HS3ST2: variants seen among roughly 807,000 people sequenced by gnomAD.
HS3ST2 encodes heparan sulfate-glucosamine 3-sulfotransferase 2, also known as heparan sulfate glucosamine 3-O-sulfotransferase 2.
A neutral mutation model predicts 26.3 loss-of-function variants in HS3ST2; 17 were observed. The ratio of observed to expected loss-of-function variants is 0.65; its 90% confidence interval spans 0.44 to 0.97. HS3ST2 has a LOEUF of 0.97. Ranked by LOEUF, HS3ST2 falls within the 50% of genes least tolerant of loss-of-function variation. HS3ST2 has a pLI of 0.00. For missense variants in HS3ST2, 402 were observed against 501.2 expected (o/e 0.80, Z 1.89); for synonymous variants, 237 against 219.2 (o/e 1.08, Z -0.72).
intron 1 of HS3ST2, among the ~76,000 whole-genome samples, chr16:22,908,139 A>G (rs1352843142): frequency 1.3e-5 from 2 of 152,158 alleles, no homozygotes; most frequent in East Asian, 3.8e-4. Context: ...ACAAACAAAC[A>G]CAAACCAGCA....
At chr16:22,850,726 G>T (rs1435161771) in intron 1 of HS3ST2, among the ~76,000 whole-genome samples, 1 of 152,216 alleles carries the variant, frequency 6.6e-6, no homozygotes, top group Non-Finnish European at 1.5e-5. Flanking sequence ...GGCGGAGGTT[G>T]CAGTGAGCTG....
At chr16:22,815,142 C>G (rs748696101) in intron 1 of HS3ST2, 47 bp downstream of exon 1, 12 of 1,599,486 alleles carry the variant, frequency 7.5e-6, no homozygotes, top group African/African-American at 2.7e-5. Context: ...CTGATCGCTT[C>G]CATTGGGAGA....
At chr16:22,821,326 CATGCTTTGGTA>C (rs887205090) in intron 1 of HS3ST2, among the ~76,000 whole-genome samples, 10 of 151,274 alleles carry the variant, frequency 6.6e-5, no homozygotes, top group African/African-American at 1.9e-4. Context: ...CTATTACCTG[CATGCTTTGGTA>C]ATGCTTTGGT....
At chr16:22,823,630 A>G (rs965305115) in intron 1 of HS3ST2, among the ~76,000 whole-genome samples, 1 of 151,878 alleles carries the variant, frequency 6.6e-6, no homozygotes, top group African/African-American at 2.4e-5. Flanking sequence ...AAAAAAAAAA[A>G]AAAAAAATTA....
intron 1 of HS3ST2, among the ~76,000 whole-genome samples, chr16:22,863,743 C>T (rs1901711051): frequency 6.6e-6 from 1 of 152,184 alleles, no homozygotes; most frequent in Non-Finnish European, 1.5e-5. Context: ...CAAGAGACTG[C>T]CTAGAAGTCC....
At chr16:22,867,324 T>C (rs185615590) in intron 1 of HS3ST2, among the ~76,000 whole-genome samples, 64 of 152,096 alleles carry the variant, frequency 4.2e-4, no homozygotes, top group African/African-American at 1.4e-3. Flanking sequence ...ATGGTGAAAA[T>C]TTTCTAAGCA....
chr16:22,833,293 T>C (rs1046517733), intron 1 of HS3ST2: 3 of 455,998 alleles, frequency 6.6e-6, no homozygotes, highest in Non-Finnish European at 1.3e-5. Flanking sequence ...AGACACTACC[T>C]GTGTGGTTGT....
intron 1 of HS3ST2, among the ~76,000 whole-genome samples, chr16:22,875,607 T>C (rs918653917): frequency 6.6e-6 from 1 of 151,944 alleles, no homozygotes; most frequent in Non-Finnish European, 1.5e-5. Flanking sequence ...GGTCTCGATC[T>C]CCTGACCTCA....
At chr16:22,889,764 G>C (rs1902106560) in intron 1 of HS3ST2, among the ~76,000 whole-genome samples, 1 of 152,088 alleles carries the variant, frequency 6.6e-6, no homozygotes, top group Non-Finnish European at 1.5e-5. Flanking sequence ...TTAGATTTGT[G>C]TTTTTCACTA....
chr16:22,894,235 C>T (rs1596629099), intron 1 of HS3ST2, among the ~76,000 whole-genome samples: 1 of 152,186 alleles, frequency 6.6e-6, no homozygotes, highest in Non-Finnish European at 1.5e-5. Context: ...CACTGCCTGC[C>T]AGCGTTCTAG....
intron 1 of HS3ST2, among the ~76,000 whole-genome samples, chr16:22,864,667 T>G (rs1158512445): frequency 6.6e-6 from 1 of 151,998 alleles, no homozygotes; most frequent in African/African-American, 2.4e-5. Context: ...AAATCACATG[T>G]TTACCACTCT....
At chr16:22,830,887 A>G (rs556760396) in intron 1 of HS3ST2, among the ~76,000 whole-genome samples, 11 of 152,354 alleles carry the variant, frequency 7.2e-5, no homozygotes, top group African/African-American at 2.6e-4. Context: ...AAATGCATTT[A>G]CCTAAAATTG....
intron 1 of HS3ST2, among the ~76,000 whole-genome samples, chr16:22,840,420 T>C (rs1901335410): frequency 6.6e-6 from 1 of 152,014 alleles, no homozygotes; most frequent in Non-Finnish European, 1.5e-5. Context: ...TCTCATTCTG[T>C]CACCCAGGCT....
intron 1 of HS3ST2, among the ~76,000 whole-genome samples, chr16:22,888,004 T>C (rs2141199520): frequency 6.6e-6 from 1 of 152,302 alleles, no homozygotes; most frequent in African/African-American, 2.4e-5. Context: ...AACAGCTTTC[T>C]TGTTCTTCAG....
At chr16:22,844,956 G>T (rs148351978) in intron 1 of HS3ST2, among the ~76,000 whole-genome samples, 1 of 151,484 alleles carries the variant, frequency 6.6e-6, no homozygotes, top group Non-Finnish European at 1.5e-5. Context: ...CCAGGTTCAC[G>T]CCATTCTCTT....
chr16:22,830,771 T>C (rs898103981), intron 1 of HS3ST2, among the ~76,000 whole-genome samples: 8 of 152,224 alleles, frequency 5.3e-5, no homozygotes, highest in Admixed American at 5.2e-4. Context: ...TTGCCTCCCA[T>C]CCTTCAGTCA....
intron 1 of HS3ST2, among the ~76,000 whole-genome samples, chr16:22,911,502 A>G (rs1372715046): frequency 6.6e-6 from 1 of 152,336 alleles, no homozygotes; most frequent in East Asian, 1.9e-4. Context: ...ATTATTTCAC[A>G]GTTCTAGAGG....
intron 1 of HS3ST2, among the ~76,000 whole-genome samples, chr16:22,884,674 A>G (rs1902036283): frequency 1.4e-5 from 2 of 140,348 alleles, no homozygotes; most frequent in Admixed American, 1.5e-4. Flanking sequence ...ATATATATAT[A>G]TATTATATAT....
At chr16:22,881,275 G>T (rs1464765817) in intron 1 of HS3ST2, among the ~76,000 whole-genome samples, 1 of 152,224 alleles carries the variant, frequency 6.6e-6, no homozygotes, top group African/African-American at 2.4e-5. Context: ...TTTGTGAAAT[G>T]CTGTTTCCCT....
Sources: allele counts gnomAD v4.1 joint callset (sites outside exome capture counted in the v4.1 genomes callset), GRCh38; gene constraint gnomAD v4.1.1; transcripts MANE v1.5; gene names NCBI Gene and HGNC (gene_info 2026-07-23, HGNC 2026-07-21).